MED13: variants seen among roughly 807,000 people sequenced by gnomAD.
MED13 encodes the protein mediator of RNA polymerase II transcription subunit 13.
A neutral mutation model predicts 225.2 loss-of-function variants in MED13; 23 were observed. The ratio of observed to expected loss-of-function variants is 0.10; its 90% CI spans 0.07 to 0.14. MED13 has a LOEUF of 0.14. MED13 is among the 10% of genes least tolerant of loss of function. The probability of loss-of-function intolerance (pLI) is 1.00; values close to 1 mark genes in which losing one functional copy is unlikely to be tolerated. For missense variants in MED13, 2,197 were observed against 2,594.5 expected (o/e 0.85, Z 3.33); for synonymous variants, 942 against 889.2 (o/e 1.06, Z -1.06).
chr17:62,065,105 C>G (rs2081071101), intron 1 of MED13, 35 bp downstream of exon 1: 1 of 1,517,014 alleles, frequency 6.6e-7, no homozygotes, highest in Non-Finnish European at 8.8e-7. Flanking sequence ...CCTCGCGGCC[C>G]CCCTCCCTCG....
At chr17:62,033,145 T>C (rs2080772457) in intron 5 of MED13, among the ~76,000 whole-genome samples, 1 of 151,710 alleles carries the variant, frequency 6.6e-6, no homozygotes, top group Admixed American at 6.6e-5. Context: ...AGAGCGAGAC[T>C]CCACCTCAAA....
At chr17:62,019,428 T>C (rs560851242) in intron 8 of MED13, among the ~76,000 whole-genome samples, 10 of 152,366 alleles carry the variant, frequency 6.6e-5, no homozygotes, top group Admixed American at 2.6e-4. Context: ...TCGGTAATTT[T>C]TTAAGACTGT....
intron 29 of MED13, 42 bp downstream of exon 29, chr17:61,946,875 T>C (rs1289706188): frequency 2.7e-6 from 4 of 1,503,374 alleles, no homozygotes; most frequent in South Asian, 2.3e-5. Context: ...TATATTCTTT[T>C]AAAGTTGCAG....
At chr17:62,053,238 C>T (rs1264776022) in intron 2 of MED13, among the ~76,000 whole-genome samples, 2 of 152,162 alleles carry the variant, frequency 1.3e-5, no homozygotes, top group Non-Finnish European at 2.9e-5. Context: ...GCCTAACAAG[C>T]GGTGCACTAT....
intron 8 of MED13, among the ~76,000 whole-genome samples, chr17:62,016,171 AC>A (rs2080578456): frequency 6.9e-6 from 1 of 144,046 alleles, no homozygotes; most frequent in Admixed American, 6.9e-5. Flanking sequence ...AAAACCAAGA[AC>A]AACAACAAAA....
At chr17:62,037,666 C>T (rs1009627796) in intron 3 of MED13, among the ~76,000 whole-genome samples, 1 of 63,418 alleles carries the variant, frequency 1.6e-5, no homozygotes, top group Non-Finnish European at 3.2e-5. Context: ...GACTCCATCT[C>T]AAAAAAAAAA....
intron 16 of MED13, 54 bp downstream of exon 16, chr17:61,982,136 TCCTAAGAA>T: frequency 6.8e-7 from 1 of 1,477,712 alleles, no homozygotes. Flanking sequence ...TATTACTTTT[TCCTAAGAA>T]TGTAACTAAA....
intron 16 of MED13, among the ~76,000 whole-genome samples, chr17:61,977,643 G>A (rs1041402068): frequency 6.6e-6 from 1 of 152,068 alleles, no homozygotes; most frequent in Non-Finnish European, 1.5e-5. Flanking sequence ...AGTAGAGACG[G>A]GGTTTTACCG....
At chr17:61,976,891 C>T (rs2080161502) in intron 16 of MED13, among the ~76,000 whole-genome samples, 1 of 152,132 alleles carries the variant, frequency 6.6e-6, no homozygotes, top group African/African-American at 2.4e-5. Flanking sequence ...GAGATCGCGC[C>T]ACTGCACTCC....
intron 8 of MED13, among the ~76,000 whole-genome samples, chr17:62,020,537 C>T (rs962480189): frequency 1.3e-5 from 2 of 151,862 alleles, no homozygotes; most frequent in Non-Finnish European, 2.9e-5. Context: ...TCACCACGCC[C>T]GGCTAATTTT....
rs1425103964 is a variant in MED13, at chr17:61,943,332, T to G, written c.*3136A>C. 6 of 152,740 alleles carry G rather than the reference T, an allele frequency of 3.9e-5. No individual in the cohort carries two copies. In the East Asian group the frequency reaches 1.2e-3, roughly 29 times the overall value. 9.5% of individuals were successfully genotyped at this position (152,740 alleles called of 1,614,324 possible). A position where few individuals can be genotyped will look rare whatever the true frequency, so the allele number is the denominator to read the frequency against. ...AATAGCATTTAAAAACTTTTTAATC[T>G]ATTCAATTTGAACATTTTAAATAAT... On this transcript the variant is annotated 3_prime_UTR_variant, in exon 30 of 30. Coordinates refer to ENST00000397786, the MANE Select transcript of MED13 (RefSeq NM_005121.3).
At chr17:61,992,504 G>GA in intron 11 of MED13, 36 bp downstream of exon 11, 5 of 1,305,270 alleles carry the variant, frequency 3.8e-6, no homozygotes, top group Non-Finnish European at 5.5e-6. Context: ...AACAATCCTG[G>GA]AATGCAATAT....
Position 61,968,248 on chromosome 17 carries a change from T to C in MED13, c.3978A>G (p.Glu1326=). 1 of 1,609,432 alleles carries C rather than the reference T, an allele frequency of 6.2e-7. No individual in the cohort carries two copies. The highest frequency in any genetic ancestry group is 2.2e-5 in the East Asian group (1 of 44,820). ...TGGGGATTGGCAGTGGTTCTGGGGA[T>C]TCATCAGTTCCTAAATAAGAAAGAT... ...MAGRGSYGTD[E]SPEPLPIPTF... Residue 1326 remains glutamate (E), a synonymous_variant, in exon 18 of 30, where the codon GAA becomes GAG. Coordinates refer to ENST00000397786, the MANE Select transcript of MED13 (RefSeq NM_005121.3).
rs1377627162 is a variant in MED13, at chr17:62,032,060, T to A, written c.815-422A>T. On this transcript the variant is annotated intron_variant, in intron 5 of 29. Coordinates refer to ENST00000397786, the MANE Select transcript of MED13 (RefSeq NM_005121.3). Reference sequence around the variant, plus strand: ...TACTTACTTTTCTATATGCCTCTATTTTAAAAGCCTAAAAAATGTGTGTTT... The same window carrying A: ...TACTTACTTTTCTATATGCCTCTATATTAAAAGCCTAAAAAATGTGTGTTT... 5.3e-5 allele frequency among the ~76,000 whole-genome samples: 8 copies of A among 152,128 alleles called. No individual in the cohort carries two copies. The East Asian group carries it at 1.5e-3, about 29-fold the overall frequency.
intron 14 of MED13, 40 bp from the exon 15 acceptor site, chr17:61,984,407 C>T (rs2080231012): frequency 7.1e-7 from 1 of 1,411,634 alleles, no homozygotes; most frequent in South Asian, 1.5e-5. Context: ...ATCTTATCTT[C>T]TAGGAGGAAA....
chr17:61,957,485 G>A (rs9783841), intron 23 of MED13, among the ~76,000 whole-genome samples: 13,687 of 151,816 alleles, frequency 0.09, 2,082 homozygotes, highest in African/African-American at 0.31. Flanking sequence ...GAGTAGCTGG[G>A]ATTACAGGCG....
At chr17:61,977,830 A>G (rs2080170223) in intron 16 of MED13, among the ~76,000 whole-genome samples, 1 of 152,088 alleles carries the variant, frequency 6.6e-6, no homozygotes, top group Non-Finnish European at 1.5e-5. Context: ...GTCTCAAGCA[A>G]TACTCCCGCC....
chr17:61,951,634 A>G (rs2079897547), intron 27 of MED13, among the ~76,000 whole-genome samples: 1 of 152,246 alleles, frequency 6.6e-6, no homozygotes, highest in Non-Finnish European at 1.5e-5. Flanking sequence ...CAAAAATGCA[A>G]TATTTAAAAC....
chr17:62,017,125 C>T (rs1166542232), intron 8 of MED13, among the ~76,000 whole-genome samples: 1 of 149,448 alleles, frequency 6.7e-6, no homozygotes, highest in Non-Finnish European at 1.5e-5. Context: ...TAAGTGAATA[C>T]GAATGGTTGA....
Sources: allele counts gnomAD v4.1 joint callset (sites outside exome capture counted in the v4.1 genomes callset), GRCh38; gene constraint gnomAD v4.1.1; transcripts MANE v1.5; gene names NCBI Gene and HGNC (gene_info 2026-07-23, HGNC 2026-07-21).